Variants in POR observed in about 807,000 individuals in gnomAD.
POR encodes cytochrome p450 oxidoreductase, also known as NADPH--cytochrome P450 reductase.
In POR, 56 loss-of-function variants were observed where a neutral mutation model predicts 84.0. The ratio of observed to expected loss-of-function variants is 0.67; its 90% CI spans 0.54 to 0.83. POR has a LOEUF of 0.83. POR is among the 40% of genes least tolerant of loss of function. The pLI, the probability that POR is intolerant of heterozygous loss-of-function variation, is 0.00. For missense variants in POR, 938 were observed against 944.3 expected (o/e 0.99, Z 0.09); for synonymous variants, 414 against 400.5 (o/e 1.03, Z -0.40).
In POR at chr7:75,984,966, C is replaced by G. The variant is rs1399133940; in HGVS notation, c.1248+8C>G. On this transcript the variant is annotated splice_region_variant and intron_variant, in intron 11 of 15. Coordinates refer to ENST00000461988, the MANE Select transcript of POR (RefSeq NM_000941.3). Reference sequence around the variant, plus strand: ...TCCTCCGGCGAGGGCAAGGTGCGCCCCCTCAGCCCCCGCAACCTCCGCCCC... The same window carrying G: ...TCCTCCGGCGAGGGCAAGGTGCGCCGCCTCAGCCCCCGCAACCTCCGCCCC... 1 of 1,581,860 alleles carries G rather than the reference C, an allele frequency of 6.3e-7. No individual in the cohort carries two copies. The highest frequency in any genetic ancestry group is 1.3e-5 in the African/African-American group (1 of 74,698).
chr7:75,927,238 G>C (rs1416039346), intron 1 of POR, among the ~76,000 whole-genome samples: 4 of 152,124 alleles, frequency 2.6e-5, no homozygotes, highest in Admixed American at 2.6e-4. Context: ...GGGCTTGGTG[G>C]CTCACACCTG....
intron 1 of POR, among the ~76,000 whole-genome samples, chr7:75,923,616 G>C (rs55887531): frequency 0.13 from 19,208 of 152,122 alleles, 1,575 homozygotes; most frequent in South Asian, 0.2. Context: ...GGCCGGGCCC[G>C]GTGGCTCACG....
intron 1 of POR, among the ~76,000 whole-genome samples, chr7:75,916,059 G>A (rs1806551382): frequency 6.6e-6 from 1 of 152,106 alleles, no homozygotes; most frequent in African/African-American, 2.4e-5. Context: ...GGAGAATGAT[G>A]CCAGCACAAA....
intron 3 of POR, among the ~76,000 whole-genome samples, chr7:75,976,237 G>T (rs1043621108): frequency 6.6e-6 from 1 of 152,044 alleles, no homozygotes; most frequent in Non-Finnish European, 1.5e-5. Context: ...TTTTTACGGT[G>T]ATTATTTTAA....
intron 2 of POR, among the ~76,000 whole-genome samples, chr7:75,962,631 C>T (rs1787989294): frequency 6.6e-6 from 1 of 152,136 alleles, no homozygotes. Context: ...TTTAAGTGCA[C>T]CAGTTCATGA....
At chr7:75,962,958 A>G (rs1463402922) in intron 2 of POR, among the ~76,000 whole-genome samples, 1 of 152,072 alleles carries the variant, frequency 6.6e-6, no homozygotes, top group Non-Finnish European at 1.5e-5. Flanking sequence ...AGTTTCCCAC[A>G]GTCTGGATTT....
intron 3 of POR, among the ~76,000 whole-genome samples, chr7:75,976,162 C>A (rs1342115618): frequency 3.3e-5 from 5 of 152,112 alleles, no homozygotes; most frequent in Non-Finnish European, 7.4e-5. Context: ...TATTTAGCTG[C>A]TATCTTAGGT....
At chr7:75,920,418 G>A (rs1554548662) in intron 1 of POR, among the ~76,000 whole-genome samples, 1 of 152,114 alleles carries the variant, frequency 6.6e-6, no homozygotes, top group African/African-American at 2.4e-5. Context: ...GAATAGAAGG[G>A]GGAAAGTTGC....
At chr7:75,937,762 A>G (rs1397722127) in intron 1 of POR, among the ~76,000 whole-genome samples, 1 of 152,176 alleles carries the variant, frequency 6.6e-6, no homozygotes, top group African/African-American at 2.4e-5. Flanking sequence ...AGCCTGGGCG[A>G]CAAGAGCAAA....
At chr7:75,977,154 C>T (rs782235063) in intron 3 of POR, among the ~76,000 whole-genome samples, 3 of 152,032 alleles carry the variant, frequency 2.0e-5, no homozygotes, top group Non-Finnish European at 4.4e-5. Context: ...CACCCGGCCG[C>T]GTAAGTTTTA....
chr7:75,986,312 C>T (rs782244783), intron 15 of POR, 25 bp from the exon 16 acceptor site: 1 of 1,612,674 alleles, frequency 6.2e-7, no homozygotes, highest in East Asian at 2.2e-5. Context: ...TGGCCCAGCC[C>T]CCAGCACCCC....
chr7:75,967,974 CAG>C (rs1427808392), intron 2 of POR: 8 of 450,674 alleles, frequency 1.8e-5, no homozygotes, highest in Admixed American at 9.4e-5. Context: ...CAGTACGGAA[CAG>C]GGGATGCACA....
rs553897382 is a variant in POR, at chr7:75,984,997, C to T, written c.1248+39C>T. 7.6e-5 allele frequency: 120 copies of T among 1,578,214 alleles called. 3 individuals carry two copies. The South Asian group carries it at 1.3e-3, about 17-fold the overall frequency. ...GCCCCCGCAACCTCCGCCCCGTCAC[C>T]CCGCCGTTTTCCGAGCTCCGTGGGC... On this transcript the variant is annotated intron_variant, in intron 11 of 15. Transcript: ENST00000461988.
In POR at chr7:75,985,174, G is replaced by A. The variant is rs782800941; in HGVS notation, c.1365G>A (p.Gln455=). 2 of 1,598,566 alleles carry A rather than the reference G, an allele frequency of 1.3e-6. No individual in the cohort carries two copies. The highest frequency in any genetic ancestry group is 2.7e-5 in the African/African-American group (2 of 74,926). ...TGTGTGAGCTGCTGCCGCGCCTGCA[G>A]GCCCGCTACTACTCCATCGCCTCAT... The change falls in exon 12 of 16, where the codon CAG becomes CAA. Residue 455 remains glutamine (Q), a synonymous_variant. Transcript: ENST00000461988.
At chr7:75,948,081 C>T (rs782571508) in intron 1 of POR, among the ~76,000 whole-genome samples, 3 of 152,004 alleles carry the variant, frequency 2.0e-5, no homozygotes, top group African/African-American at 4.8e-5. Flanking sequence ...GAGCTCACAC[C>T]GAGTGAGAGA....
At chr7:75,931,232 A>G (rs1362027645) in intron 1 of POR, among the ~76,000 whole-genome samples, 1 of 152,224 alleles carries the variant, frequency 6.6e-6, no homozygotes, top group African/African-American at 2.4e-5. Flanking sequence ...TTACTCAGGC[A>G]TGAAGAGGAA....
chr7:75,946,112 G>A (rs1347388121), intron 1 of POR, among the ~76,000 whole-genome samples: 1 of 152,268 alleles, frequency 6.6e-6, no homozygotes, highest in South Asian at 2.1e-4. Flanking sequence ...GCCAGCTACC[G>A]AAATTGACAG....
intron 5 of POR, 58 bp from the exon 6 acceptor site, chr7:75,980,990 C>A: frequency 6.7e-7 from 1 of 1,495,180 alleles, no homozygotes; most frequent in Non-Finnish European, 9.0e-7. Context: ...GCCCCCATGG[C>A]CCCTCCCACT....
At chr7:75,924,742 C>A (rs1412000027) in intron 1 of POR, among the ~76,000 whole-genome samples, 1 of 151,858 alleles carries the variant, frequency 6.6e-6, no homozygotes, top group Non-Finnish European at 1.5e-5. Flanking sequence ...TAGAAAATTC[C>A]CCAAATAAAT....
Sources: gnomAD v4.1 joint callset for allele counts (sites outside exome capture counted in the v4.1 genomes callset) on GRCh38, gnomAD v4.1.1 for gene constraint, MANE v1.5 for transcripts, NCBI Gene and HGNC (gene_info 2026-07-23, HGNC 2026-07-21) for gene names.